The following SGCD variants were observed in gnomAD, a reference collection of about 807,000 sequenced individuals.
SGCD encodes the protein sarcoglycan delta, also known as delta-sarcoglycan.
Under a neutral mutation model 36.6 loss-of-function variants are expected in SGCD, and 18 were observed. The ratio of observed to expected loss-of-function variants is 0.49; its 90% CI spans 0.34 to 0.73. The LOEUF (loss-of-function observed/expected upper bound fraction) is 0.73. SGCD is among the 30% of genes least tolerant of loss of function. SGCD has a pLI of 0.01. For missense variants in SGCD, 387 were observed against 346.7 expected (o/e 1.12, Z -0.92); for synonymous variants, 133 against 130.6 (o/e 1.02, Z -0.12).
intron 1 of SGCD, among the ~76,000 whole-genome samples, chr5:156,115,695 T>C (rs1347495050): frequency 6.6e-6 from 1 of 152,156 alleles, no homozygotes; most frequent in Non-Finnish European, 1.5e-5. Flanking sequence ...TCTTGTCTCC[T>C]AAGTCTCTAT....
intron 3 of SGCD, among the ~76,000 whole-genome samples, chr5:156,301,204 G>C (rs770054069): frequency 6.6e-5 from 10 of 151,758 alleles, no homozygotes; most frequent in Non-Finnish European, 1.2e-4. Context: ...TAGTGAAGAA[G>C]ATTTTCTCTG....
chr5:156,460,428 T>G (rs1754436196), intron 3 of SGCD, among the ~76,000 whole-genome samples: 1 of 152,170 alleles, frequency 6.6e-6, no homozygotes, highest in Admixed American at 6.5e-5. Flanking sequence ...AAAGATCCAC[T>G]GGATAATAGG....
At chr5:156,050,360 TA>T (rs1374583770) in intron 1 of SGCD, among the ~76,000 whole-genome samples, 1 of 146,818 alleles carries the variant, frequency 6.8e-6, no homozygotes, top group Non-Finnish European at 1.5e-5. Context: ...TAGTGTTTTT[TA>T]CTAATAAAGT....
chr5:155,832,448 A>G, the SGCD span, among the ~76,000 whole-genome samples: 1 of 152,080 alleles, frequency 6.6e-6, no homozygotes, highest in East Asian at 1.9e-4. Flanking sequence ...CCTTTTCCCT[A>G]AATCTGGGAA....
In SGCD at chr5:156,363,958, C is replaced by G. The variant is rs149058206; in HGVS notation, c.192+19281C>G. On this transcript the variant is annotated intron_variant, in intron 3 of 8. Transcript: ENST00000337851. Reference sequence around the variant, plus strand: ...CGGGAGTCACATGCCCAGGTCTGGACGAATAACTGTACCCAGGGAATGTGA... The same window carrying G: ...CGGGAGTCACATGCCCAGGTCTGGAGGAATAACTGTACCCAGGGAATGTGA... 3.3e-3 allele frequency among the ~76,000 whole-genome samples: 500 copies of G among 152,198 alleles called. 2 individuals are homozygous for G. Among genetic ancestry groups the G allele is most frequent in the Admixed American group, 5.5e-3 (84 of 15,284 alleles).
the SGCD span, among the ~76,000 whole-genome samples, chr5:155,830,783 A>C: frequency 6.6e-6 from 1 of 152,134 alleles, no homozygotes; most frequent in Non-Finnish European, 1.5e-5. Context: ...AGGCATAGAG[A>C]TTTCTTCTGG....
intron 3 of SGCD, among the ~76,000 whole-genome samples, chr5:156,387,508 C>T (rs534778626): frequency 5.9e-5 from 9 of 152,252 alleles, no homozygotes; most frequent in African/African-American, 1.9e-4. Context: ...ACCAGAGAGC[C>T]TCCAAGCATG....
intron 1 of SGCD, among the ~76,000 whole-genome samples, chr5:155,923,966 T>G (rs760162848): frequency 7.9e-5 from 12 of 152,274 alleles, no homozygotes; most frequent in Non-Finnish European, 1.2e-4. Flanking sequence ...AGATGTAAAA[T>G]AGGTCCATAG....
chr5:156,207,442 G>A lies in SGCD; in HGVS notation c.-44+83423G>A, dbSNP rs560770684. ...TGATCTCTAATGTCTTTAATAGTTC[G>A]AAAATGTGCTCATGATTTTAATTAT... On this transcript the variant is annotated intron_variant, in intron 3 of 9. Transcript: ENST00000517913. Among the ~76,000 whole-genome samples the A allele has an allele frequency of 4.0e-3, 602 of 152,194 alleles. 4 individuals are homozygous for A. The highest frequency in any genetic ancestry group is 0.014 in the African/African-American group (568 of 41,552).
intron 3 of SGCD, among the ~76,000 whole-genome samples, chr5:156,364,872 C>T (rs1178238687): frequency 6.6e-6 from 1 of 152,142 alleles, no homozygotes; most frequent in Non-Finnish European, 1.5e-5. Flanking sequence ...CTCCTTAGGA[C>T]ATTTGAGTTA....
At chr5:155,825,390 A>G in the SGCD span, among the ~76,000 whole-genome samples, 1 of 152,220 alleles carries the variant, frequency 6.6e-6, no homozygotes, top group Admixed American at 6.5e-5. Flanking sequence ...ACATATGTTC[A>G]GTGGGTAAAT....
At chr5:155,815,120 A>T in the SGCD span, among the ~76,000 whole-genome samples, 1 of 152,104 alleles carries the variant, frequency 6.6e-6, no homozygotes, top group Non-Finnish European at 1.5e-5. Context: ...TTTCGGACAT[A>T]TCTGTGTTGT....
At chr5:155,812,356 T>TC in the SGCD span, among the ~76,000 whole-genome samples, 1 of 152,186 alleles carries the variant, frequency 6.6e-6, no homozygotes. Flanking sequence ...TCATAGGCTC[T>TC]CCGCAGAGGG....
intron 3 of SGCD, among the ~76,000 whole-genome samples, chr5:156,407,246 C>G (rs1772477985): frequency 6.6e-6 from 1 of 152,166 alleles, no homozygotes; most frequent in African/African-American, 2.4e-5. Context: ...TCACACCTGC[C>G]TAAATTTTTA....
At chr5:156,562,799 G>A (rs1418450076) in intron 4 of SGCD, among the ~76,000 whole-genome samples, 1 of 151,262 alleles carries the variant, frequency 6.6e-6, no homozygotes, top group African/African-American at 2.4e-5. Flanking sequence ...TAACCTTTAT[G>A]TAGTTAAATA....
At chr5:155,843,576 G>A in the SGCD span, among the ~76,000 whole-genome samples, 2 of 152,166 alleles carry the variant, frequency 1.3e-5, no homozygotes, top group African/African-American at 4.8e-5. Context: ...ATATACAGTC[G>A]AAGGCTCAAC....
chr5:155,804,444 C>A, the SGCD span, among the ~76,000 whole-genome samples: 9 of 152,262 alleles, frequency 5.9e-5, no homozygotes, highest in African/African-American at 1.9e-4. Flanking sequence ...TTTTTATGTC[C>A]CCCCATTTCT....
chr5:155,931,744 C>T (rs991978596), intron 1 of SGCD, among the ~76,000 whole-genome samples: 27 of 152,152 alleles, frequency 1.8e-4, no homozygotes, highest in African/African-American at 5.6e-4. Flanking sequence ...AGCCCGAGTT[C>T]GGATTTGCTT....
intron 4 of SGCD, among the ~76,000 whole-genome samples, chr5:156,554,581 G>A (rs1758937707): frequency 1.3e-5 from 2 of 149,338 alleles, no homozygotes; most frequent in South Asian, 4.2e-4. Context: ...AAAAAAGTAT[G>A]CATATGTGTA....
Sources: allele counts gnomAD v4.1 joint callset (sites outside exome capture counted in the v4.1 genomes callset), GRCh38; gene constraint gnomAD v4.1.1; transcripts MANE v1.5; gene names NCBI Gene and HGNC (gene_info 2026-07-23, HGNC 2026-07-21).